The following MGAT4C variants were observed in gnomAD, a reference collection of about 807,000 sequenced individuals.
MGAT4C encodes the protein MGAT4 family member C.
MGAT4C carries 19 observed loss-of-function variants against 40.1 expected under a neutral mutation model. That is an observed-to-expected ratio of 0.47 (90% CI 0.33 to 0.70). MGAT4C has a LOEUF of 0.70. MGAT4C is among the 30% of genes least tolerant of loss of function. MGAT4C has a pLI of 0.02. For missense variants in MGAT4C, 491 were observed against 563.2 expected, an observed-to-expected ratio of 0.87 and a Z score of 1.30; for synonymous variants, 181 against 187.1, an observed-to-expected ratio of 0.97 and a Z score of 0.27.
At position 86,151,537 on chromosome 12, in the gene MGAT4C, C is replaced by T. The variant is rs369082763; in HGVS notation, c.-56-101814G>A. On this transcript the variant is annotated intron_variant, in intron 1 of 4. Transcript: ENST00000611864. ...CTGAGGCAGGAGAACGGCGTGAACC[C>T]GGAGGCGGAGCTTGCACCATTGCAC... Among the ~76,000 whole-genome samples the T allele has an allele frequency of 6.6e-5, 10 of 151,816 alleles. No homozygotes were observed. In the East Asian group the frequency reaches 1.2e-3, roughly 18 times the overall value.
intron 1 of MGAT4C, among the ~76,000 whole-genome samples, chr12:86,747,652 T>TA (rs928411290): frequency 3.3e-5 from 5 of 151,630 alleles, no homozygotes; most frequent in Non-Finnish European, 5.9e-5. Flanking sequence ...TTAGTTAATA[T>TA]AATTGATAAC....
At chr12:86,566,818 C>T (rs1960147877) in intron 2 of MGAT4C, among the ~76,000 whole-genome samples, 1 of 149,854 alleles carries the variant, frequency 6.7e-6, no homozygotes, top group South Asian at 2.1e-4. Flanking sequence ...CTAACTAATA[C>T]ACCTATCCTG....
chr12:86,391,858 C>CA (rs1565727479), intron 3 of MGAT4C, among the ~76,000 whole-genome samples: 1 of 150,306 alleles, frequency 6.7e-6, no homozygotes, highest in African/African-American at 2.4e-5. Flanking sequence ...GAATCCGTCT[C>CA]AAAAAAAGAA....
chr12:86,497,919 C>T (rs1256450052), intron 2 of MGAT4C, among the ~76,000 whole-genome samples: 8 of 103,828 alleles, frequency 7.7e-5, no homozygotes, highest in East Asian at 5.9e-4. Context: ...TATATATACG[C>T]ACACACACAT....
At chr12:86,054,711 T>G (rs1365606567) in intron 1 of MGAT4C, among the ~76,000 whole-genome samples, 2 of 150,306 alleles carry the variant, frequency 1.3e-5, no homozygotes, top group East Asian at 3.9e-4. Context: ...AATGAATAAA[T>G]TAGCTTAAAA....
At chr12:86,569,248 A>G (rs1426748040) in intron 2 of MGAT4C, among the ~76,000 whole-genome samples, 7 of 152,082 alleles carry the variant, frequency 4.6e-5, no homozygotes, top group African/African-American at 1.7e-4. Context: ...TAAAGAAACA[A>G]TTGGTTGAAT....
At chr12:86,217,955 T>A (rs2135978837) in intron 1 of MGAT4C, among the ~76,000 whole-genome samples, 1 of 152,228 alleles carries the variant, frequency 6.6e-6, no homozygotes, top group Non-Finnish European at 1.5e-5. Flanking sequence ...GCTAAGATTA[T>A]AAGCAGATTA....
At chr12:86,069,096 G>C (rs1018901546) in intron 1 of MGAT4C, among the ~76,000 whole-genome samples, 3 of 148,472 alleles carry the variant, frequency 2.0e-5, no homozygotes, top group African/African-American at 7.3e-5. Context: ...GATGAAAACA[G>C]TCATGTGAGT....
chr12:86,048,182 C>T (rs1426024356), intron 2 of MGAT4C, among the ~76,000 whole-genome samples: 1 of 152,042 alleles, frequency 6.6e-6, no homozygotes, highest in African/African-American at 2.4e-5. Flanking sequence ...TGCTGGAGGC[C>T]ATTATCCTAA....
chr12:86,312,297 C>A (rs1017539941), intron 4 of MGAT4C, among the ~76,000 whole-genome samples: 1 of 152,148 alleles, frequency 6.6e-6, no homozygotes, highest in Admixed American at 6.5e-5. Flanking sequence ...AAACAGGAGG[C>A]AATTCTATTT....
At chr12:86,600,380 T>C (rs929326991) in intron 2 of MGAT4C, among the ~76,000 whole-genome samples, 2 of 152,184 alleles carry the variant, frequency 1.3e-5, no homozygotes, top group African/African-American at 4.8e-5. Flanking sequence ...TTATATTAGA[T>C]GGAGGCTCGT....
intron 1 of MGAT4C, among the ~76,000 whole-genome samples, chr12:86,208,057 TA>T (rs1232312909): frequency 2.0e-5 from 3 of 152,218 alleles, no homozygotes; most frequent in African/African-American, 7.2e-5. Context: ...AAACTTTAGA[TA>T]AGCTTCTTCC....
Position 85,979,474 on chromosome 12 carries a change from T to C in MGAT4C, c.1252A>G (p.Met418Val), listed in dbSNP as rs142800914. The C allele has an allele frequency of 1.3e-4, 217 of 1,613,368 alleles. No homozygotes were observed. The highest frequency in any genetic ancestry group is 1.8e-4 in the Non-Finnish European group (207 of 1,179,628). The change falls in exon 5 of 5, where the codon ATG becomes GTG. Residue 418 changes from methionine (M) to valine (V), a missense_variant. Transcript: ENST00000611864. ...HGALDVGENV[M>V]PSKQRRQCST... ...CATTGTCTCCTTTGTTTGCTAGGCA[T>C]AACGTTTTCCCCAACATCTAGGGCT...
chr12:86,327,735 A>T (rs926577979), intron 4 of MGAT4C, among the ~76,000 whole-genome samples: 7 of 152,134 alleles, frequency 4.6e-5, no homozygotes, highest in Non-Finnish European at 8.8e-5. Context: ...ATATGCAGAG[A>T]ACTGACAGGA....
intron 2 of MGAT4C, among the ~76,000 whole-genome samples, chr12:86,471,503 A>G (rs1957757468): frequency 6.6e-6 from 1 of 152,112 alleles, no homozygotes; most frequent in South Asian, 2.1e-4. Context: ...TAGGAAGCCC[A>G]CAAATTAAAC....
At chr12:86,510,545 C>A (rs1958557432) in intron 2 of MGAT4C, among the ~76,000 whole-genome samples, 1 of 152,062 alleles carries the variant, frequency 6.6e-6, no homozygotes, top group Non-Finnish European at 1.5e-5. Context: ...CACAGACTGG[C>A]AAATTGGATG....
At chr12:86,627,280 C>T (rs1212920122) in intron 2 of MGAT4C, among the ~76,000 whole-genome samples, 1 of 152,208 alleles carries the variant, frequency 6.6e-6, no homozygotes, top group Non-Finnish European at 1.5e-5. Context: ...GTAGACTCCA[C>T]CTCTGGGGGC....
chr12:86,073,037 T>G (rs1272207055), intron 1 of MGAT4C, among the ~76,000 whole-genome samples: 1 of 152,200 alleles, frequency 6.6e-6, no homozygotes, highest in Non-Finnish European at 1.5e-5. Flanking sequence ...AAATCTCATC[T>G]TGAATTTTAG....
At chr12:86,609,297 T>C (rs1053105709) in intron 2 of MGAT4C, among the ~76,000 whole-genome samples, 5 of 152,008 alleles carry the variant, frequency 3.3e-5, no homozygotes, top group African/African-American at 1.2e-4. Context: ...GTGAAGACCA[T>C]GACAGGGGGA....
Sources: allele counts gnomAD v4.1 joint callset (sites outside exome capture counted in the v4.1 genomes callset), GRCh38; gene constraint gnomAD v4.1.1; transcripts MANE v1.5; gene names NCBI Gene and HGNC (gene_info 2026-07-23, HGNC 2026-07-21).